Variants in PWWP2A observed in about 807,000 individuals in gnomAD.
The protein encoded by PWWP2A is PWWP domain containing 2A.
Under a neutral mutation model 48.5 loss-of-function variants are expected in PWWP2A, and 18 were observed. The ratio of observed to expected loss-of-function variants is 0.37; its 90% CI spans 0.26 to 0.55. The LOEUF (loss-of-function observed/expected upper bound fraction) is 0.55. Ranked by LOEUF, PWWP2A falls within the 20% of genes least tolerant of loss-of-function variation. PWWP2A has a pLI of 0.81. For missense variants in PWWP2A, 867 were observed against 976.4 expected, an observed-to-expected ratio of 0.89 and a Z score of 1.49; for synonymous variants, 396 against 387.7, an observed-to-expected ratio of 1.02 and a Z score of -0.25.
chr5:160,118,673 C>A, intron 1 of PWWP2A, 132 bp downstream of exon 1: 1 of 933,394 alleles, frequency 1.1e-6, no homozygotes. Context: ...GCGCGCGCCA[C>A]GCGCCGCGCA....
intron 2 of PWWP2A, among the ~76,000 whole-genome samples, chr5:160,069,122 G>A (rs916530123): frequency 5.9e-5 from 9 of 151,808 alleles, no homozygotes; most frequent in South Asian, 2.1e-4. Flanking sequence ...GTGAAACCCC[G>A]TCTCTACAAA....
chr5:160,093,174 T>C lies in PWWP2A; in HGVS notation c.1476A>G (p.Thr492=). 1 of 1,613,992 alleles carries C rather than the reference T, an allele frequency of 6.2e-7. No individual in the cohort carries two copies. The highest frequency in any genetic ancestry group is 1.6e-4 in the Middle Eastern group (1 of 6,062). ...RNEENDSSLK[T]GLEKMRSGKM... ...TGCCACTCCGCATTTTCTCAAGTCC[T>C]GTCTTCAGAGAAGAGTCATTTTCTT... The change falls in exon 2 of 2, where the codon ACA becomes ACG. Residue 492 remains threonine, a synonymous_variant. Coordinates refer to ENST00000307063, the MANE Select transcript of PWWP2A (RefSeq NM_001130864.2). This position sits in a 1 kb window ranked among gnomAD's most constrained non-coding sequence, Gnocchi z 5.8.
intron 1 of PWWP2A, among the ~76,000 whole-genome samples, chr5:160,098,960 C>A (rs887438811): frequency 6.6e-6 from 1 of 152,102 alleles, no homozygotes; most frequent in East Asian, 1.9e-4. Flanking sequence ...AAAAACAAAA[C>A]AAAACAAAAC....
intron 3 of PWWP2A, chr5:160,066,625 A>T (rs1412970108): frequency 2.0e-5 from 3 of 152,170 alleles, no homozygotes; most frequent in African/African-American, 4.8e-5. Context: ...GGAAAAAAAA[A>T]TTTTAAGAGC....
At chr5:160,094,971 C>G (rs191012456) in intron 1 of PWWP2A, among the ~76,000 whole-genome samples, 1 of 135,194 alleles carries the variant, frequency 7.4e-6, no homozygotes. Flanking sequence ...TGGCGTGAAC[C>G]CAAGAGGCAG....
intron 1 of PWWP2A, among the ~76,000 whole-genome samples, chr5:160,109,820 ATAAT>A (rs1314078034): frequency 1.2e-4 from 14 of 118,946 alleles, no homozygotes; most frequent in African/African-American, 4.0e-4. Flanking sequence ...AAATAATATA[ATAAT>A]ATATATATAT....
At chr5:160,083,946 C>G (rs1005650716) in intron 2 of PWWP2A, among the ~76,000 whole-genome samples, 2 of 152,152 alleles carry the variant, frequency 1.3e-5, no homozygotes, top group Non-Finnish European at 2.9e-5. Context: ...TCTGCAAATG[C>G]CTATTAAAAC....
chr5:160,062,361 C>T (rs575195655), intron 5 of PWWP2A, among the ~76,000 whole-genome samples: 1 of 152,300 alleles, frequency 6.6e-6, no homozygotes, highest in Non-Finnish European at 1.5e-5. Context: ...CTCTGGAGCA[C>T]GGTGACATGC....
the PWWP2A span, among the ~76,000 whole-genome samples, chr5:160,056,244 C>T: frequency 2.0e-5 from 3 of 152,246 alleles, no homozygotes; most frequent in Non-Finnish European, 2.9e-5. Context: ...CCTGCCCTGG[C>T]CACTCTGGCA....
At chr5:160,045,506 ACACACACATACACACTCT>A in the PWWP2A span, among the ~76,000 whole-genome samples, 1 of 87,856 alleles carries the variant, frequency 1.1e-5, no homozygotes, top group Non-Finnish European at 2.3e-5. Flanking sequence ...ACACACACAC[ACACACACATACACACTCT>A]CTCTCTCTCT....
At chr5:160,070,294 C>A (rs1387793244) in intron 2 of PWWP2A, among the ~76,000 whole-genome samples, 1 of 152,106 alleles carries the variant, frequency 6.6e-6, no homozygotes, top group African/African-American at 2.4e-5. Flanking sequence ...CATACTAAGA[C>A]CCCATCTCTA....
At chr5:160,072,348 A>T (rs1753757586), downstream of PWWP2A, among the ~76,000 whole-genome samples, 1 of 152,240 alleles carries the variant, frequency 6.6e-6, no homozygotes, top group Non-Finnish European at 1.5e-5. Flanking sequence ...CAATTAAAAA[A>T]AATGGATTAC....
the PWWP2A span, among the ~76,000 whole-genome samples, chr5:160,052,275 A>G: frequency 2.0e-5 from 3 of 152,122 alleles, no homozygotes; most frequent in African/African-American, 4.8e-5. Flanking sequence ...AGGCCAAGGT[A>G]GGAGGATTGC....
intron 1 of PWWP2A, among the ~76,000 whole-genome samples, chr5:160,108,365 C>T (rs771715920): frequency 6.6e-6 from 1 of 152,220 alleles, no homozygotes; most frequent in Non-Finnish European, 1.5e-5. Flanking sequence ...GTGACTGGCA[C>T]TTGCCTCTTC....
At chr5:160,097,422 G>C (rs1009974324) in intron 1 of PWWP2A, among the ~76,000 whole-genome samples, 1 of 150,358 alleles carries the variant, frequency 6.7e-6, no homozygotes, top group Non-Finnish European at 1.5e-5. Flanking sequence ...CTGAGGTCAG[G>C]AGTTCAAGAC....
At chr5:160,103,919 C>T (rs1022271035) in intron 1 of PWWP2A, among the ~76,000 whole-genome samples, 13 of 151,556 alleles carry the variant, frequency 8.6e-5, no homozygotes, top group Admixed American at 6.6e-4. Flanking sequence ...ACCAGGAGTT[C>T]AAGACCAGCC....
downstream of PWWP2A, among the ~76,000 whole-genome samples, chr5:160,061,249 C>G (rs1226868833): frequency 6.6e-6 from 1 of 152,228 alleles, no homozygotes; most frequent in Non-Finnish European, 1.5e-5. Flanking sequence ...CCTTTGGTGC[C>G]TGGTTCAAGT....
At chr5:160,048,455 A>G in the PWWP2A span, among the ~76,000 whole-genome samples, 1 of 152,132 alleles carries the variant, frequency 6.6e-6, no homozygotes, top group Non-Finnish European at 1.5e-5. Context: ...ACACCCGGCC[A>G]GCACTGCTTT....
chr5:160,091,826 G>T lies in PWWP2A; in HGVS notation c.*556C>A, dbSNP rs1300369793. ...AACCATCTAACTTTTACACCATTAT[G>T]CGCATAGAAAGGCTAAGTGTTCATT... is the stretch of plus-strand genomic sequence containing the variant. On this transcript the variant is annotated 3_prime_UTR_variant, in exon 2 of 2. Transcript: ENST00000307063. The T allele has an allele frequency of 2.0e-6, 2 of 984,808 alleles. No individual in the cohort carries two copies. Among genetic ancestry groups the T allele is most frequent in the African/African-American group, 3.5e-5 (2 of 57,072 alleles). The allele number at this position is 984,808 out of a possible 1,614,324, so 61.0% of individuals were successfully genotyped here. A position where few individuals can be genotyped will look rare whatever the true frequency, so the allele number is the denominator to read the frequency against.
Sources: gnomAD v4.1 joint callset for allele counts (sites outside exome capture counted in the v4.1 genomes callset) on GRCh38, gnomAD v4.1.1 for gene constraint, Gnocchi (gnomAD v3.1) non-coding constraint, MANE v1.5 for transcripts, NCBI Gene and HGNC (gene_info 2026-07-23, HGNC 2026-07-21) for gene names.